TFAP2E: variants seen among roughly 807,000 people sequenced by gnomAD.
TFAP2E encodes the protein transcription factor AP-2-epsilon.
TFAP2E carries 30 observed loss-of-function variants against 37.9 expected under a neutral mutation model. The observed-to-expected ratio is 0.79, with a 90% CI of 0.59 to 1.07. The LOEUF (loss-of-function observed/expected upper bound fraction) is 1.07, where lower values mean the gene tolerates loss of function less well. Among genes scored for constraint, TFAP2E ranks in the 50% least tolerant of loss-of-function variants. The pLI is 0.00. For missense variants in TFAP2E, 567 were observed against 637.9 expected, an observed-to-expected ratio of 0.89 and a Z score of 1.20; for synonymous variants, 318 against 295.8, an observed-to-expected ratio of 1.08 and a Z score of -0.77.
At chr1:35,584,179 G>A (rs1305214820) in intron 3 of TFAP2E, among the ~76,000 whole-genome samples, 1 of 152,136 alleles carries the variant, frequency 6.6e-6, no homozygotes, top group Non-Finnish European at 1.5e-5. Context: ...ATAGCTCACT[G>A]CAGCCTCAAA....
At chr1:35,575,124 T>C in intron 3 of TFAP2E, 124 bp downstream of exon 3, 1 of 1,264,790 alleles carries the variant, frequency 7.9e-7, no homozygotes. Context: ...CAGGCACTCT[T>C]CCTGGCCCAG....
rs781508761 is a variant in TFAP2E, at chr1:35,594,689, C to G, written c.*13C>G. On this transcript the variant is annotated 3_prime_UTR_variant, in exon 7 of 7. Coordinates refer to ENST00000373235, the MANE Select transcript of TFAP2E (RefSeq NM_178548.4). ...GCATCGGAAATAACTGCTTCTCCCA[C>G]CCCATCCCTAAGGGGCTCCCAGGCC... 1.2e-6 allele frequency: 2 copies of G among 1,613,254 alleles called. No homozygotes were observed. The highest frequency in any genetic ancestry group is 1.7e-5 in the Admixed American group (1 of 59,998).
At chr1:35,575,940 C>CA (rs1649156683) in intron 3 of TFAP2E, among the ~76,000 whole-genome samples, 1 of 152,102 alleles carries the variant, frequency 6.6e-6, no homozygotes, top group African/African-American at 2.4e-5. Context: ...TGAGAGACGA[C>CA]AAAAACAGAG....
At chr1:35,580,191 C>A (rs1649305889) in intron 3 of TFAP2E, among the ~76,000 whole-genome samples, 1 of 151,908 alleles carries the variant, frequency 6.6e-6, no homozygotes, top group African/African-American at 2.4e-5. Context: ...GCCTGGGCAA[C>A]AAGAGCAAAA....
At chr1:35,589,733 C>G (rs142828880) in intron 4 of TFAP2E, among the ~76,000 whole-genome samples, 197 bp from the exon 5 acceptor site, 1 of 152,192 alleles carries the variant, frequency 6.6e-6, no homozygotes, top group African/African-American at 2.4e-5. Context: ...TGCTGGCCCC[C>G]CTGCCTCTGT....
rs910010536 is a variant in TFAP2E at position 35,573,720 on chromosome 1, G to A, written c.27+116G>A. 5.2e-5 allele frequency: 76 copies of A among 1,462,848 alleles called. No homozygotes were observed. Among genetic ancestry groups the A allele is most frequent in the Non-Finnish European group, 6.6e-5 (72 of 1,098,954 alleles). 90.6% of individuals were successfully genotyped at this position (1,462,848 alleles called of 1,614,324 possible). A position where few individuals can be genotyped will look rare whatever the true frequency, so the allele number is the denominator to read the frequency against. On this transcript the variant is annotated intron_variant, in intron 1 of 6. Coordinates refer to ENST00000373235, the MANE Select transcript of TFAP2E (RefSeq NM_178548.4). The surrounding 1 kb of genome is among the most constrained non-coding windows in gnomAD (Gnocchi z 5.9). ...AATCTCGGAGGGAGGGGGCCGCAGG[G>A]ACTTCGCCAGCTGAGAACGCGATGC... is the stretch of plus-strand genomic sequence containing the variant.
intron 3 of TFAP2E, among the ~76,000 whole-genome samples, chr1:35,580,383 C>G (rs1022919980): frequency 2.6e-5 from 4 of 152,152 alleles, no homozygotes; most frequent in African/African-American, 9.7e-5. Flanking sequence ...CTTGCTCCAA[C>G]CCCTTCAAGC....
rs752811755 is a variant in TFAP2E, at chr1:35,590,280, G to A, written c.904+232G>A. Among the ~76,000 whole-genome samples the A allele has an allele frequency of 7.3e-5, 11 of 151,472 alleles. No homozygotes were observed. Among genetic ancestry groups the A allele is most frequent in the East Asian group, 3.9e-4 (2 of 5,154 alleles). ...CAATGGAGACCTACTTGCAGTGTGCGGATGTGTATGTGGGTGTGGGTGTGG... is the reference window on the plus strand; with the variant it reads ...CAATGGAGACCTACTTGCAGTGTGCAGATGTGTATGTGGGTGTGGGTGTGG... On this transcript the variant is annotated intron_variant, in intron 5 of 6. Coordinates refer to ENST00000373235, the MANE Select transcript of TFAP2E (RefSeq NM_178548.4). The surrounding 1 kb of genome is among the most constrained non-coding windows in gnomAD (Gnocchi z 6.2).
Position 35,577,182 on chromosome 1 carries a change from A to T in TFAP2E, c.562+2182A>T. On this transcript the variant is annotated intron_variant, in intron 3 of 6. Coordinates refer to ENST00000373235, the MANE Select transcript of TFAP2E (RefSeq NM_178548.4). The surrounding 1 kb of genome is among the most constrained non-coding windows in gnomAD (Gnocchi z 6.3). ...AGGGGAAGGGGCAGGAGCCGGGCAC[A>T]GTTGGATCCGGAGGTCGTGACCCAG... 1 of 355,126 alleles carries T rather than the reference A, an allele frequency of 2.8e-6. No homozygotes were observed. The highest frequency in any genetic ancestry group is 5.6e-6 in the Non-Finnish European group (1 of 178,374). The allele number at this position is 355,126 out of a possible 1,614,324, so 22.0% of individuals were successfully genotyped here.
intron 3 of TFAP2E, among the ~76,000 whole-genome samples, chr1:35,587,171 C>G (rs1303264120): frequency 6.6e-6 from 1 of 152,182 alleles, no homozygotes; most frequent in Non-Finnish European, 1.5e-5. Flanking sequence ...ACACACGAGG[C>G]CTTGTCTACC....
chr1:35,589,648 T>C (rs939613364), intron 4 of TFAP2E, among the ~76,000 whole-genome samples: 1 of 151,888 alleles, frequency 6.6e-6, no homozygotes, highest in African/African-American at 2.4e-5. Context: ...TGTGCTAAGG[T>C]CCCCAGGATG....
At position 35,588,466 on chromosome 1, in the gene TFAP2E, G is replaced by T. The variant is rs758607061; in HGVS notation, c.699G>T (p.Lys233Asn). Residue 233 changes from lysine to asparagine, a missense_variant, in exon 4 of 7, where the codon AAG becomes AAT. This residue lies in a region of TFAP2E where 252 missense variants were observed against 302.6 expected (regional missense o/e 0.83). Transcript: ENST00000373235. The surrounding 1 kb of genome is among the most constrained non-coding windows in gnomAD (Gnocchi z 5.1). ...GRLSLLSSTS[K>N]YKVTVGEVQR... ...TTTCACTGCTCAGCTCAACGTCCAAGTACAAGGTGACGGTGGGGGAGGTGC... is the reference window on the plus strand; with the variant it reads ...TTTCACTGCTCAGCTCAACGTCCAATTACAAGGTGACGGTGGGGGAGGTGC... 6.2e-7 allele frequency: 1 copy of T among 1,610,232 alleles called. No individual in the cohort carries two copies. The highest frequency in any genetic ancestry group is 1.1e-5 in the South Asian group (1 of 91,068).
chr1:35,589,493 CGTGTGT>C (rs67449985), intron 4 of TFAP2E, among the ~76,000 whole-genome samples: 1 of 118,278 alleles, frequency 8.5e-6, no homozygotes, highest in Non-Finnish European at 1.9e-5. Context: ...TATTCTTTCA[CGTGTGT>C]GTGTGTGTGT....
chr1:35,590,032 G>T lies in TFAP2E; in HGVS notation c.888G>T (p.Leu296=). The T allele has an allele frequency of 1.2e-6, 2 of 1,614,016 alleles. No individual in the cohort carries two copies. Among genetic ancestry groups the T allele is most frequent in the South Asian group, 2.2e-5 (2 of 91,016 alleles). Residue 296 remains leucine, a synonymous_variant, in exon 5 of 7, where the codon CTG becomes CTT. Transcript: ENST00000373235. The surrounding 1 kb of genome is among the most constrained non-coding windows in gnomAD (Gnocchi z 6.2). ...GRRKAANVTL[L]TSLVEGEAVH... is the part of the protein sequence containing the mutation. ...GCAAGGCCGCCAATGTGACGCTGCT[G>T]ACTTCGCTAGTGGAAGGTGAGTGAG...
chr1:35,581,576 CTTTT>C (rs34241641), intron 3 of TFAP2E, among the ~76,000 whole-genome samples: 1 of 141,982 alleles, frequency 7.0e-6, no homozygotes, highest in African/African-American at 2.6e-5. Flanking sequence ...TCTTTTTTTT[CTTTT>C]TTTTTTTTTG....
In TFAP2E at chr1:35,573,599, G is replaced by A. The variant is rs1649072661; in HGVS notation, c.22G>A (p.Ala8Thr). Residue 8 changes from alanine (A) to threonine (T), a missense_variant, in exon 1 of 7, where the codon GCC becomes ACC. Ala to Thr is a moderately conservative substitution (Grantham distance 58). Around this residue, in one of 3 missense-constraint regions of TFAP2E, gnomAD observed 312 missense variants for 317.4 expected, o/e 0.98. Coordinates refer to ENST00000373235, the MANE Select transcript of TFAP2E (RefSeq NM_178548.4). This position sits in a 1 kb window ranked among gnomAD's most constrained non-coding sequence, Gnocchi z 5.9. Reference protein sequence around the residue: MLVHTYSAMERPDGLGAA... With the variant: MLVHTYSTMERPDGLGAA... ...CCCCATGCTGGTGCACACCTACTCC[G>A]CCATGGTGAGTAGTCTCGGGCCCGG... 6.5e-7 allele frequency: 1 copy of A among 1,539,578 alleles called. No individual in the cohort carries two copies. Among genetic ancestry groups the A allele is most frequent in the Non-Finnish European group, 8.7e-7 (1 of 1,143,172 alleles).
chr1:35,574,847 G>T, intron 2 of TFAP2E, 102 bp from the exon 3 acceptor site: 1 of 1,527,602 alleles, frequency 6.5e-7, no homozygotes, highest in Non-Finnish European at 9.1e-7. Context: ...AAGCTGGTGC[G>T]CCTTGGGCGG....
rs1359671459 is a variant in TFAP2E, at chr1:35,590,713, G to A, written c.984G>A (p.Leu328=). Residue 328 remains leucine (L), a synonymous_variant, in exon 6 of 7, where the codon CTG becomes CTA. Transcript: ENST00000373235. This position sits in a 1 kb window ranked among gnomAD's most constrained non-coding sequence, Gnocchi z 6.2. ...CAGCCAAGGCAGCTGCCGAGTACCT[G>A]TGCCGACAGCACGCTGACCCGGGGG... ...EFPAKAAAEY[L]CRQHADPGEL... 4 of 1,555,130 alleles carry A rather than the reference G, an allele frequency of 2.6e-6. No individual in the cohort carries two copies. Among genetic ancestry groups the A allele is most frequent in the Non-Finnish European group, 3.5e-6 (4 of 1,141,326 alleles).
chr1:35,583,603 AGT>A (rs201106841), intron 3 of TFAP2E, among the ~76,000 whole-genome samples: 14,892 of 137,280 alleles, frequency 0.11, 1,280 homozygotes, highest in East Asian at 0.41. Context: ...TGTCTGCAGG[AGT>A]GTGTGTGTGT....
Sources: allele counts gnomAD v4.1 joint callset (sites outside exome capture counted in the v4.1 genomes callset), GRCh38; gene constraint gnomAD v4.1.1; regional missense constraint gnomAD v4.1.1; non-coding constraint Gnocchi (gnomAD v3.1); transcripts MANE v1.5; gene names NCBI Gene and HGNC (gene_info 2026-07-23, HGNC 2026-07-21).